Variants in SNX29 observed in about 807,000 individuals in gnomAD.
SNX29 encodes the protein sorting nexin-29.
Under a neutral mutation model 102.1 loss-of-function variants are expected in SNX29, and 78 were observed. The observed-to-expected ratio is 0.76, with a 90% CI of 0.64 to 0.92. The LOEUF (loss-of-function observed/expected upper bound fraction) is 0.92, where lower values mean the gene tolerates loss of function less well. Among genes scored for constraint, SNX29 ranks in the 40% least tolerant of loss-of-function variants. The pLI, the probability that SNX29 is intolerant of heterozygous loss-of-function variation, is 0.00. For missense variants in SNX29, 1,280 were observed against 1,061.7 expected (o/e 1.21, Z -2.86); for synonymous variants, 580 against 414.5 (o/e 1.40, Z -4.85).
chr16:12,552,580 C>T (rs1252870425), intron 20 of SNX29, among the ~76,000 whole-genome samples: 2 of 151,272 alleles, frequency 1.3e-5, no homozygotes, highest in African/African-American at 4.9e-5. Flanking sequence ...TTGCTGCCCT[C>T]ATGGAGTTTA....
At chr16:12,547,894 T>C (rs1038968834) in intron 20 of SNX29, among the ~76,000 whole-genome samples, 1 of 152,152 alleles carries the variant, frequency 6.6e-6, no homozygotes, top group Non-Finnish European at 1.5e-5. Flanking sequence ...GTTCTAGGGC[T>C]GTATAGGAGC....
At chr16:12,051,743 T>C in intron 7 of SNX29, 104 bp from the exon 8 acceptor site, 1 of 1,459,874 alleles carries the variant, frequency 6.8e-7, no homozygotes, top group Non-Finnish European at 9.2e-7. Flanking sequence ...AGTGTATTTC[T>C]CACTCGAATA....
intron 14 of SNX29, among the ~76,000 whole-genome samples, chr16:12,219,917 A>G (rs1016529033): frequency 5.3e-5 from 8 of 152,106 alleles, no homozygotes; most frequent in Admixed American, 2.0e-4. Context: ...ACAGCCCCCC[A>G]GCGCACACAC....
At chr16:12,538,749 G>A (rs918742588) in intron 20 of SNX29, among the ~76,000 whole-genome samples, 4 of 152,004 alleles carry the variant, frequency 2.6e-5, no homozygotes, top group African/African-American at 9.7e-5. Flanking sequence ...ACACCCATAT[G>A]GGTATCATCC....
At chr16:12,346,966 T>G (rs189679784) in intron 15 of SNX29, among the ~76,000 whole-genome samples, 1 of 152,190 alleles carries the variant, frequency 6.6e-6, no homozygotes, top group Non-Finnish European at 1.5e-5. Context: ...GGCCAAGCGA[T>G]GACGGTCACC....
Position 12,129,631 on chromosome 16 carries a change from T to A in SNX29, c.1468T>A (p.Ser490Thr). Residue 490 changes from serine to threonine, a missense_variant and splice_region_variant, in exon 13 of 21, where the codon TCA becomes ACA. Coordinates refer to ENST00000566228, the MANE Select transcript of SNX29 (RefSeq NM_032167.5). ...ACAGATGGGTCCCTCTCTTCCCAGA[T>A]CACTGCGAAACCTGCTCGACGGTGA... ...RKDELEEENRSLRNLLDGEME... is the reference protein window; with the variant it reads ...RKDELEEENRTLRNLLDGEME... 1 of 1,608,954 alleles carries A rather than the reference T, an allele frequency of 6.2e-7. No individual in the cohort carries two copies. The highest frequency in any genetic ancestry group is 8.5e-7 in the Non-Finnish European group (1 of 1,178,160).
intron 1 of SNX29, chr16:11,977,085 C>T: frequency 2.7e-6 from 1 of 376,072 alleles, no homozygotes. Flanking sequence ...CCAGTTGTTC[C>T]AGTCCTGCGA....
intron 18 of SNX29, among the ~76,000 whole-genome samples, chr16:12,446,219 C>G (rs1195356003): frequency 2.6e-5 from 4 of 152,014 alleles, no homozygotes; most frequent in African/African-American, 9.7e-5. Context: ...CCATGCCCGG[C>G]TAATTTTTGT....
chr16:12,563,499 G>A (rs1335241255), intron 20 of SNX29, among the ~76,000 whole-genome samples: 1 of 152,142 alleles, frequency 6.6e-6, no homozygotes, highest in Non-Finnish European at 1.5e-5. Flanking sequence ...TATTAAAACG[G>A]GGAGACTCCT....
At chr16:12,367,691 C>T (rs1441588092) in intron 16 of SNX29, among the ~76,000 whole-genome samples, 6 of 152,214 alleles carry the variant, frequency 3.9e-5, no homozygotes, top group Middle Eastern at 3.2e-3. Flanking sequence ...TGGCACTTGC[C>T]GCATAGCTAA....
chr16:12,431,195 G>A (rs2085298869), intron 18 of SNX29, among the ~76,000 whole-genome samples: 1 of 152,054 alleles, frequency 6.6e-6, no homozygotes, highest in South Asian at 2.1e-4. Context: ...TGGGGTGGGG[G>A]CCCTGTGAGC....
chr16:12,495,554 T>G (rs889994474), intron 19 of SNX29, among the ~76,000 whole-genome samples: 2 of 152,260 alleles, frequency 1.3e-5, no homozygotes, highest in South Asian at 2.1e-4. Flanking sequence ...TTTTGTTTTA[T>G]AGCATTAGCA....
intron 14 of SNX29, among the ~76,000 whole-genome samples, chr16:12,277,528 G>A (rs116973233): frequency 0.034 from 5,213 of 152,288 alleles, 122 homozygotes; most frequent in Middle Eastern, 0.082. Context: ...CTTGACTCCT[G>A]TGCTTCTGTC....
intron 13 of SNX29, among the ~76,000 whole-genome samples, chr16:12,176,303 C>G (rs149144526): frequency 3.4e-4 from 52 of 152,342 alleles, no homozygotes; most frequent in African/African-American, 9.9e-4. Context: ...GGTGCAGGTT[C>G]AAATCTTGGT....
At chr16:12,440,271 G>A (rs750519982) in intron 18 of SNX29, among the ~76,000 whole-genome samples, 1 of 152,032 alleles carries the variant, frequency 6.6e-6, no homozygotes, top group Non-Finnish European at 1.5e-5. Context: ...CAAAGTGTAC[G>A]ATTCAGTCAC....
At chr16:12,171,692 G>A (rs1194825318) in intron 13 of SNX29, among the ~76,000 whole-genome samples, 1 of 152,288 alleles carries the variant, frequency 6.6e-6, no homozygotes, top group Non-Finnish European at 1.5e-5. Context: ...CTGAAGAGTA[G>A]ATGGATTTCT....
At chr16:12,140,802 G>A (rs1208768347) in intron 13 of SNX29, among the ~76,000 whole-genome samples, 3 of 152,234 alleles carry the variant, frequency 2.0e-5, no homozygotes, top group African/African-American at 4.8e-5. Flanking sequence ...TTAGCAAACC[G>A]CTGGTCCAGC....
At chr16:12,061,673 C>G in intron 9 of SNX29, 27 bp downstream of exon 9, 3 of 1,577,900 alleles carry the variant, frequency 1.9e-6, no homozygotes, top group Non-Finnish European at 2.6e-6. Flanking sequence ...TACTCCTTTC[C>G]TCCAATAAGA....
chr16:12,454,578 G>A (rs2086452289), intron 18 of SNX29, among the ~76,000 whole-genome samples: 2 of 152,302 alleles, frequency 1.3e-5, no homozygotes, highest in Admixed American at 6.5e-5. Flanking sequence ...CAGTTGAAGA[G>A]CGAACATCGA....
Sources: allele counts gnomAD v4.1 joint callset (sites outside exome capture counted in the v4.1 genomes callset), GRCh38; gene constraint gnomAD v4.1.1; transcripts MANE v1.5; gene names NCBI Gene and HGNC (gene_info 2026-07-23, HGNC 2026-07-21).